The following DENND1A variants were observed in gnomAD, a reference collection of about 807,000 sequenced individuals.
DENND1A encodes the protein DENN domain containing 1A.
DENND1A carries 51 observed loss-of-function variants against 113.7 expected under a neutral mutation model. The observed-to-expected ratio is 0.45, with a 90% CI of 0.36 to 0.57. DENND1A has a LOEUF of 0.57. DENND1A is among the 20% of genes least tolerant of loss of function. The pLI, the probability that DENND1A is intolerant of heterozygous loss-of-function variation, is 0.00. For missense variants in DENND1A, 1,258 were observed against 1,395.9 expected (o/e 0.90, Z 1.57); for synonymous variants, 565 against 570.8 (o/e 0.99, Z 0.14).
chr9:123,635,589 T>C (rs1295523931), intron 9 of DENND1A, among the ~76,000 whole-genome samples: 2 of 152,386 alleles, frequency 1.3e-5, no homozygotes, highest in Middle Eastern at 3.4e-3. Context: ...TGCTGCTAGA[T>C]GTCCAAATGT....
intron 2 of DENND1A, among the ~76,000 whole-genome samples, chr9:123,803,624 T>C (rs1391059880): frequency 6.6e-6 from 1 of 152,170 alleles, no homozygotes; most frequent in African/African-American, 2.4e-5. Flanking sequence ...CTCCATCCCC[T>C]CTTGCCAACT....
chr9:123,636,405 C>T (rs375742262), intron 9 of DENND1A, among the ~76,000 whole-genome samples: 2 of 152,112 alleles, frequency 1.3e-5, no homozygotes, highest in African/African-American at 4.8e-5. Context: ...CAACCTCTGC[C>T]TCCCACGTTC....
intron 13 of DENND1A, among the ~76,000 whole-genome samples, chr9:123,466,628 A>G (rs528623175): frequency 6.6e-6 from 1 of 152,148 alleles, no homozygotes; most frequent in South Asian, 2.1e-4. Context: ...CACATTCTCT[A>G]TCTATCTCCA....
Position 123,615,184 on chromosome 9 carries a change from AGC to A in DENND1A, c.720-5705_720-5704del, listed in dbSNP as rs565019605. Among the ~76,000 whole-genome samples the A allele has an allele frequency of 3.5e-3, 527 of 152,364 alleles. 5 individuals are homozygous for A. The highest frequency in any genetic ancestry group is 0.012 in the African/African-American group (497 of 41,582). Reference sequence around the variant, plus strand: ...ACTGACTGCAAATTTGCCAAGAGCCAGCATAGGCTAAGGCATTTTCCTCATTA... The same window carrying A: ...ACTGACTGCAAATTTGCCAAGAGCCAATAGGCTAAGGCATTTTCCTCATTA... On this transcript the variant is annotated intron_variant, in intron 10 of 23. Coordinates refer to ENST00000394215, the MANE Select transcript of DENND1A (RefSeq NM_001352964.2).
chr9:123,583,375 T>G (rs1441465828), intron 11 of DENND1A, 105 bp from the exon 12 acceptor site: 1 of 791,112 alleles, frequency 1.3e-6, no homozygotes, highest in East Asian at 2.6e-5. Flanking sequence ...AAGTGACATT[T>G]GACAAAGTCT....
At chr9:123,460,750 C>T (rs968176488) in intron 13 of DENND1A, among the ~76,000 whole-genome samples, 1 of 152,218 alleles carries the variant, frequency 6.6e-6, no homozygotes, top group African/African-American at 2.4e-5. Context: ...CCTGTTTCGT[C>T]CCTCTTCTAC....
chr9:123,697,617 T>A (rs1441465581), intron 5 of DENND1A, among the ~76,000 whole-genome samples: 1 of 152,188 alleles, frequency 6.6e-6, no homozygotes, highest in Admixed American at 6.5e-5. Context: ...AGCTCCCACA[T>A]ATCAGTGAGA....
At chr9:123,399,653 G>A (rs181083214) in intron 21 of DENND1A, among the ~76,000 whole-genome samples, 7 of 152,320 alleles carry the variant, frequency 4.6e-5, no homozygotes, top group African/African-American at 9.6e-5. Context: ...GAACAGATCC[G>A]GTTCCCAACT....
chr9:123,711,505 G>GTATGTATATATATATATA (rs2066605429), intron 5 of DENND1A, among the ~76,000 whole-genome samples: 9 of 62,540 alleles, frequency 1.4e-4, no homozygotes, highest in African/African-American at 7.2e-4. Flanking sequence ...ATATATATAT[G>GTATGTATATATATATATA]TATATATGTA....
At chr9:123,432,665 G>A (rs1285501012) in intron 19 of DENND1A, among the ~76,000 whole-genome samples, 3 of 152,260 alleles carry the variant, frequency 2.0e-5, no homozygotes, top group Non-Finnish European at 4.4e-5. Flanking sequence ...AAAGAGAGGT[G>A]TGCAGGGTAT....
chr9:123,478,619 T>C (rs1343531079), intron 13 of DENND1A, among the ~76,000 whole-genome samples: 2 of 152,226 alleles, frequency 1.3e-5, no homozygotes, highest in Non-Finnish European at 2.9e-5. Flanking sequence ...CTGATGTCTG[T>C]GACTTACTCA....
intron 13 of DENND1A, among the ~76,000 whole-genome samples, chr9:123,470,526 C>T (rs935862965): frequency 2.0e-5 from 3 of 152,168 alleles, no homozygotes; most frequent in Non-Finnish European, 4.4e-5. Flanking sequence ...AGAGAGGACA[C>T]GTGTCAGGGA....
intron 3 of DENND1A, among the ~76,000 whole-genome samples, chr9:123,788,226 G>T (rs919683555): frequency 6.6e-6 from 1 of 152,228 alleles, no homozygotes; most frequent in South Asian, 2.1e-4. Flanking sequence ...AAAACGGTAT[G>T]TGTAATACCT....
chr9:123,751,530 A>G (rs549748621), intron 5 of DENND1A: 1 of 152,238 alleles, frequency 6.6e-6, no homozygotes, highest in Admixed American at 6.5e-5. Context: ...CATTCAAAAA[A>G]TCACTTTTGC....
intron 12 of DENND1A, among the ~76,000 whole-genome samples, chr9:123,560,507 T>A (rs1000614307): frequency 1.3e-5 from 2 of 152,058 alleles, no homozygotes; most frequent in African/African-American, 4.8e-5. Flanking sequence ...GGCAACACAG[T>A]GAGATCCCAT....
chr9:123,560,789 C>T (rs1337168124), intron 12 of DENND1A, among the ~76,000 whole-genome samples: 2 of 152,058 alleles, frequency 1.3e-5, no homozygotes, highest in Non-Finnish European at 2.9e-5. Context: ...AAAACAATTC[C>T]TTTGGAAGCA....
At chr9:123,608,181 G>A (rs1048035515) in intron 11 of DENND1A, among the ~76,000 whole-genome samples, 1 of 152,168 alleles carries the variant, frequency 6.6e-6, no homozygotes, top group African/African-American at 2.4e-5. Context: ...GAGCCACATG[G>A]CCGGCCTGTC....
intron 5 of DENND1A, among the ~76,000 whole-genome samples, chr9:123,754,694 C>T (rs543231987): frequency 3.0e-4 from 46 of 152,246 alleles, no homozygotes; most frequent in Non-Finnish European, 5.7e-4. Flanking sequence ...ATTAACCCAC[C>T]GAATTTTTCT....
At chr9:123,452,660 A>G (rs1360880030) in intron 16 of DENND1A, among the ~76,000 whole-genome samples, 7 of 152,082 alleles carry the variant, frequency 4.6e-5, no homozygotes, top group Non-Finnish European at 4.4e-5. Flanking sequence ...AGGCTGCCTA[A>G]GGCAAGGGCT....
Sources: gnomAD v4.1 joint callset for allele counts (sites outside exome capture counted in the v4.1 genomes callset) on GRCh38, gnomAD v4.1.1 for gene constraint, MANE v1.5 for transcripts, NCBI Gene and HGNC (gene_info 2026-07-23, HGNC 2026-07-21) for gene names.